Variants in FRMD8 observed in about 807,000 individuals in gnomAD.
The protein encoded by FRMD8 is FERM domain containing 8, also known as FERM domain-containing protein 8.
Under a neutral mutation model 54.2 loss-of-function variants are expected in FRMD8, and 37 were observed. The ratio of observed to expected loss-of-function variants is 0.68; its 90% CI spans 0.53 to 0.90. The LOEUF is 0.90. FRMD8 is among the 40% of genes least tolerant of loss of function. The pLI, the probability that FRMD8 is intolerant of heterozygous loss-of-function variation, is 0.00. For synonymous variants in FRMD8, 246 were observed against 286.9 expected, an observed-to-expected ratio of 0.86 and a Z score of 1.44; for missense variants, 585 against 653.7, an observed-to-expected ratio of 0.89 and a Z score of 1.15.
chr11:65,368,070 TTTTTTTTTTTTG>T, the FRMD8 span: 14 of 12,236 alleles, frequency 1.1e-3, no homozygotes, highest in Non-Finnish European at 2.6e-3. Flanking sequence ...TTTTTTGGTG[TTTTTTTTTTTTG>T]TTTTTTTTTT....
chr11:65,396,866 CG>C lies in FRMD8; in HGVS notation c.653del (p.Gly218AlafsTer14). 2 of 1,559,976 alleles carry C rather than the reference CG, an allele frequency of 1.3e-6. No individual in the cohort carries two copies. The highest frequency in any genetic ancestry group is 8.7e-7 in the Non-Finnish European group (1 of 1,153,298). ...KRGQSLFAAL[R>X]GRGARAGPGE... ...GGGCCAGAGTCTCTTTGCTGCCCTCCGGGGCCGTGGGGCCAGGGCCGGGCCG... is the reference window on the plus strand; with the variant it reads ...GGGCCAGAGTCTCTTTGCTGCCCTCCGGGCCGTGGGGCCAGGGCCGGGCCG... On this transcript the variant is annotated frameshift_variant, in exon 7 of 11. Coordinates refer to ENST00000317568, the MANE Select transcript of FRMD8 (RefSeq NM_031904.5). LOFTEE classifies it high-confidence loss of function.
chr11:65,390,292 G>C (rs570467406), intron 3 of FRMD8, among the ~76,000 whole-genome samples: 19 of 152,286 alleles, frequency 1.2e-4, no homozygotes, highest in African/African-American at 4.3e-4. Flanking sequence ...CTGCTGGTTC[G>C]CACAGGAGGG....
rs190589959 is a variant in FRMD8, at chr11:65,411,409, A to C, written c.*49A>C. ...GGGCGACTGGGGGCCCTGGCCCGGC[A>C]CTGTCCTCCTGAGGGGCAGGCGCCG... is the stretch of plus-strand genomic sequence containing the variant. On this transcript the variant is annotated 3_prime_UTR_variant, in exon 11 of 11. Transcript: ENST00000317568. 42 of 1,302,526 alleles carry C rather than the reference A, an allele frequency of 3.2e-5. No individual in the cohort carries two copies. The African/African-American group carries it at 5.5e-4, about 17-fold the overall frequency. 80.7% of individuals were successfully genotyped at this position (1,302,526 alleles called of 1,614,324 possible). A position where few individuals can be genotyped will look rare whatever the true frequency, so the allele number is the denominator to read the frequency against.
chr11:65,387,050 A>T lies in FRMD8; in HGVS notation c.14A>T (p.Glu5Val). MDGTEGSAGQPGPAE... is the reference protein window; with the variant it reads MDGTVGSAGQPGPAE... ...TTGCCTTTGCAGATGGACGGGACAG[A>T]AGGCAGTGCCGGGCAGCCCGGCCCC... Residue 5 changes from glutamate to valine, a missense_variant, in exon 2 of 11, where the codon GAA (glutamate) becomes GTA (valine). Coordinates refer to ENST00000317568, the MANE Select transcript of FRMD8 (RefSeq NM_031904.5). 1 of 1,609,290 alleles carries T rather than the reference A, an allele frequency of 6.2e-7. No homozygotes were observed. The highest frequency in any genetic ancestry group is 1.1e-5 in the South Asian group (1 of 91,054).
chr11:65,399,570 A>G (rs527502814), intron 7 of FRMD8, among the ~76,000 whole-genome samples, 166 bp from the exon 8 acceptor site: 21 of 151,998 alleles, frequency 1.4e-4, no homozygotes, highest in African/African-American at 5.1e-4. Flanking sequence ...AGATGCTGCC[A>G]CCCCTACGAA....
chr11:65,400,896 G>C lies in FRMD8; in HGVS notation c.1071+29G>C, dbSNP rs1285139841. 10 of 1,563,376 alleles carry C rather than the reference G, an allele frequency of 6.4e-6. No homozygotes were observed. Among genetic ancestry groups the C allele is most frequent in the Non-Finnish European group, 8.7e-6 (10 of 1,153,656 alleles). The stretch of plus-strand genomic sequence containing the variant: ...GCGCGGGTGGTGCCTGCACACGGGT[G>C]GGGAGGCTGGGCCCAGGTGCCCTGG... On this transcript the variant is annotated intron_variant, in intron 9 of 10. Transcript: ENST00000317568. The surrounding 1 kb of genome is among the most constrained non-coding windows in gnomAD (Gnocchi z 4.3).
chr11:65,392,689 C>G lies in FRMD8; in HGVS notation c.254-884C>G, dbSNP rs560479140. On this transcript the variant is annotated intron_variant, in intron 3 of 10. Coordinates refer to ENST00000317568, the MANE Select transcript of FRMD8 (RefSeq NM_031904.5). ...CAACCCCTGGCGAGGTCACTGTGCC[C>G]CAGGGATACGGCGGTGGACAATTCT... 5.9e-5 allele frequency among the ~76,000 whole-genome samples: 9 copies of G among 152,206 alleles called. No homozygotes were observed. In the East Asian group the frequency reaches 1.7e-3, roughly 29 times the overall value.
At position 65,412,409 on chromosome 11, in the gene FRMD8, A is replaced by G. The variant is rs1024066015; in HGVS notation, c.*1049A>G. ...CTCTGGGGGCTGGCGCATGCCCAGG[A>G]AAGCCTGGGCCACACGGGACACTCT... On this transcript the variant is annotated 3_prime_UTR_variant, in exon 11 of 11. Transcript: ENST00000317568. 3.9e-5 allele frequency: 6 copies of G among 152,312 alleles called. No individual in the cohort carries two copies. The highest frequency in any genetic ancestry group is 1.3e-4 in the Admixed American group (2 of 15,292). The allele number at this position is 152,312 out of a possible 1,614,324, so 9.4% of individuals were successfully genotyped here. A position where few individuals can be genotyped will look rare whatever the true frequency, so the allele number is the denominator to read the frequency against.
chr11:65,393,203 G>T (rs182950364), intron 3 of FRMD8, among the ~76,000 whole-genome samples: 2 of 152,336 alleles, frequency 1.3e-5, no homozygotes, highest in East Asian at 1.9e-4. Flanking sequence ...GGCCCCAGTT[G>T]TCAATTTCCA....
Position 65,411,352 on chromosome 11 carries a change from CAGGGCTG to C in FRMD8, c.1391_*2del, listed in dbSNP as rs1279177036. ...GGTGCAGCCCGGCGACAGCCTGGAG[CAGGGCTG>C]AGGACGCTGCACCCGGCAGGAGGAG... On this transcript the variant is annotated frameshift_variant and stop_lost, in exon 11 of 11. Transcript: ENST00000317568. LOFTEE classifies it high-confidence loss of function. 1 of 1,595,194 alleles carries C rather than the reference CAGGGCTG, an allele frequency of 6.3e-7. No homozygotes were observed. Among genetic ancestry groups the C allele is most frequent in the Non-Finnish European group, 8.5e-7 (1 of 1,171,704 alleles).
intron 7 of FRMD8, among the ~76,000 whole-genome samples, chr11:65,399,351 A>G (rs1430439094): frequency 3.3e-5 from 5 of 151,934 alleles, no homozygotes; most frequent in African/African-American, 1.2e-4. Flanking sequence ...CGTGCTTCCC[A>G]GCAGGTCCCT....
chr11:65,377,086 A>T, the FRMD8 span: 32 of 1,610,306 alleles, frequency 2.0e-5, no homozygotes, highest in Non-Finnish European at 2.6e-5. Flanking sequence ...CCTGTTGGTG[A>T]TGAAACATGA....
At chr11:65,385,996 T>C (rs148754131), upstream of FRMD8, among the ~76,000 whole-genome samples, 5,170 of 151,936 alleles carry the variant, frequency 0.034, 327 homozygotes, top group African/African-American at 0.12. Context: ...CGGGGTTTCA[T>C]CGTGTTAGCC....
chr11:65,385,542 G>A (rs1241617043), upstream of FRMD8, among the ~76,000 whole-genome samples: 1 of 152,148 alleles, frequency 6.6e-6, no homozygotes, highest in Non-Finnish European at 1.5e-5. Flanking sequence ...GCCCCAGAAG[G>A]TGCCCCATGG....
the FRMD8 span, among the ~76,000 whole-genome samples, chr11:65,370,239 A>G: frequency 6.6e-6 from 1 of 150,704 alleles, no homozygotes; most frequent in African/African-American, 2.4e-5. Flanking sequence ...AAAGAAGGGC[A>G]TGTGCAAACG....
chr11:65,393,069 G>C (rs1333258555), intron 3 of FRMD8, among the ~76,000 whole-genome samples: 1 of 152,216 alleles, frequency 6.6e-6, no homozygotes, highest in African/African-American at 2.4e-5. Context: ...GTGGGCCACG[G>C]AGGTGCAGAG....
chr11:65,407,240 T>C (rs796825205), intron 10 of FRMD8, among the ~76,000 whole-genome samples: 8,184 of 145,256 alleles, frequency 0.056, 335 homozygotes, highest in South Asian at 0.22. Context: ...TTTATTTATT[T>C]ATTTATTTAT....
chr11:65,387,116 C>T lies in FRMD8; in HGVS notation c.80C>T (p.Ala27Val). ...CGAAGCAGCGTGTCCTCCGTGGGAG[C>T]CCGAGGTGGGTCCCACCCGCATCTC... is the stretch of plus-strand genomic sequence containing the variant. ...SHRSSVSSVG[A>V]RAADVLVYLA... Residue 27 changes from alanine (A) to valine (V), a missense_variant, in exon 2 of 11, where the codon GCC becomes GTC. Coordinates refer to ENST00000317568, the MANE Select transcript of FRMD8 (RefSeq NM_031904.5). 1 of 1,605,352 alleles carries T rather than the reference C, an allele frequency of 6.2e-7. No individual in the cohort carries two copies.
At chr11:65,382,310 T>TGGG, upstream of FRMD8, 1 of 314,042 alleles carries the variant, frequency 3.2e-6, no homozygotes, top group South Asian at 3.8e-5. The surrounding 1 kb of genome is among the most constrained non-coding windows in gnomAD (Gnocchi z 4.4). Context: ...GGCAAGCCCC[T>TGGG]GCCTGCCCAG....
Sources: gnomAD v4.1 joint callset for allele counts (sites outside exome capture counted in the v4.1 genomes callset) on GRCh38, gnomAD v4.1.1 for gene constraint, Gnocchi (gnomAD v3.1) non-coding constraint, MANE v1.5 for transcripts, NCBI Gene and HGNC (gene_info 2026-07-23, HGNC 2026-07-21) for gene names.